The following NXPH2 variants were observed in gnomAD, a reference collection of about 807,000 sequenced individuals.
The protein encoded by NXPH2 is neurexophilin-2.
A neutral mutation model predicts 19.8 loss-of-function variants in NXPH2; 5 were observed. That is an observed-to-expected ratio of 0.25 (90% CI 0.13 to 0.53). NXPH2 has a LOEUF of 0.53. Ranked by LOEUF, NXPH2 falls within the 20% of genes least tolerant of loss-of-function variation. NXPH2 has a pLI of 0.96. For missense variants in NXPH2, 289 were observed against 322.8 expected (o/e 0.90, Z 0.80); for synonymous variants, 154 against 127.4 (o/e 1.21, Z -1.41).
intron 1 of NXPH2, among the ~76,000 whole-genome samples, chr2:138,721,108 G>A (rs6720373): frequency 2.6e-5 from 4 of 151,984 alleles, no homozygotes; most frequent in South Asian, 2.1e-4. Context: ...TTGGGAGGCC[G>A]AGGTGGGTGG....
intron 1 of NXPH2, among the ~76,000 whole-genome samples, chr2:138,703,173 C>T (rs186396336): frequency 6.6e-6 from 1 of 152,234 alleles, no homozygotes; most frequent in African/African-American, 2.4e-5. Context: ...TGAGTAAAAC[C>T]TAATGCTTCG....
At chr2:138,700,409 A>G (rs2104981518) in intron 1 of NXPH2, among the ~76,000 whole-genome samples, 1 of 152,302 alleles carries the variant, frequency 6.6e-6, no homozygotes, top group Middle Eastern at 3.4e-3. Context: ...ACAGTTTATG[A>G]TATTACTAAC....
intron 1 of NXPH2, among the ~76,000 whole-genome samples, chr2:138,720,036 T>A (rs193010092): frequency 6.6e-5 from 10 of 152,236 alleles, no homozygotes; most frequent in Admixed American, 6.5e-4. Context: ...CTTGCATTTA[T>A]TTTTCCATAT....
At chr2:138,748,415 A>T (rs1002764317) in intron 1 of NXPH2, among the ~76,000 whole-genome samples, 1 of 152,228 alleles carries the variant, frequency 6.6e-6, no homozygotes, top group Non-Finnish European at 1.5e-5. Context: ...CAACAAGGCC[A>T]CTTTCTAGGC....
intron 1 of NXPH2, among the ~76,000 whole-genome samples, chr2:138,678,400 C>A (rs1029092678): frequency 6.6e-6 from 1 of 152,040 alleles, no homozygotes; most frequent in Non-Finnish European, 1.5e-5. Flanking sequence ...TAAGGTTTTG[C>A]TTTCAGAATT....
At position 138,754,662 on chromosome 2, in the gene NXPH2, A is replaced by AT. The variant is rs567355588; in HGVS notation, c.51+25528dup. 2.9e-3 allele frequency among the ~76,000 whole-genome samples: 445 copies of AT among 152,262 alleles called. 5 individuals carry two copies. The East Asian group carries it at 0.041, about 14-fold the overall frequency. On this transcript the variant is annotated intron_variant, in intron 1 of 1. Coordinates refer to ENST00000272641, the MANE Select transcript of NXPH2 (RefSeq NM_007226.3). ...CTGCTATAAACATTTGCATGCAGAC[A>AT]TTTTTTGTGGAAATAAGTTTTCAAA...
chr2:138,776,268 TTTAGCA>T (rs1682260806), intron 1 of NXPH2, among the ~76,000 whole-genome samples: 1 of 152,108 alleles, frequency 6.6e-6, no homozygotes, highest in South Asian at 2.1e-4. Flanking sequence ...TTCTGCCTTA[TTTAGCA>T]TTACAATTAC....
Position 138,731,144 on chromosome 2 carries a change from G to T in NXPH2, c.51+49047C>A, listed in dbSNP as rs1159835442. ...ATTCAGTTTCTGCTGCCTCCATTGT[G>T]CTGCTTGCTTTTTTAGAGCAGGAAC... On this transcript the variant is annotated intron_variant, in intron 1 of 1. Coordinates refer to ENST00000272641, the MANE Select transcript of NXPH2 (RefSeq NM_007226.3). Among the ~76,000 whole-genome samples, 9 of 151,946 alleles carry T rather than the reference G, an allele frequency of 5.9e-5. 1 individual carries two copies. Among genetic ancestry groups the T allele is most frequent in the Admixed American group, 5.2e-4 (8 of 15,244 alleles).
At chr2:138,742,621 C>T (rs554259134) in intron 1 of NXPH2, among the ~76,000 whole-genome samples, 1 of 152,284 alleles carries the variant, frequency 6.6e-6, no homozygotes, top group Admixed American at 6.5e-5. Flanking sequence ...AGGACACCAG[C>T]AGGGCAAATG....
At chr2:138,674,965 G>T (rs1419983959) in intron 1 of NXPH2, among the ~76,000 whole-genome samples, 1 of 152,128 alleles carries the variant, frequency 6.6e-6, no homozygotes, top group African/African-American at 2.4e-5. Context: ...TCTATTCCCT[G>T]ATTTGGTACA....
intron 1 of NXPH2, among the ~76,000 whole-genome samples, chr2:138,710,028 T>C (rs900909678): frequency 3.3e-5 from 5 of 152,230 alleles, no homozygotes; most frequent in African/African-American, 1.2e-4. Context: ...TTTCTCAAAC[T>C]ATTCCATCAC....
intron 1 of NXPH2, among the ~76,000 whole-genome samples, chr2:138,687,921 A>T (rs1207861186): frequency 1.3e-5 from 2 of 152,182 alleles, no homozygotes; most frequent in Non-Finnish European, 2.9e-5. Context: ...TACTAGTACC[A>T]TGCTGTTCTG....
intron 1 of NXPH2, among the ~76,000 whole-genome samples, chr2:138,773,490 A>G (rs968913175): frequency 6.6e-6 from 1 of 152,198 alleles, no homozygotes; most frequent in Non-Finnish European, 1.5e-5. Context: ...ATACTAATCA[A>G]CCACTTTCAG....
intron 1 of NXPH2, among the ~76,000 whole-genome samples, chr2:138,675,011 C>T (rs1680465280): frequency 6.6e-6 from 1 of 152,188 alleles, no homozygotes; most frequent in Admixed American, 6.5e-5. Context: ...CACCTTCCTT[C>T]TCCTGTTTCA....
rs560338044 is a variant in NXPH2, at chr2:138,749,816, T to C, written c.51+30375A>G. Among the ~76,000 whole-genome samples the C allele has an allele frequency of 3.0e-4, 46 of 152,286 alleles. 3 individuals are homozygous for C. In the South Asian group the frequency reaches 9.5e-3, roughly 32 times the overall value. ...GTTCTTTGTAAGAGATAAAATTTAA[T>C]TGAGCAAATATTCTTCTACAAACTT... On this transcript the variant is annotated intron_variant, in intron 1 of 1. Transcript: ENST00000272641.
In NXPH2 at chr2:138,780,333, G is replaced by T; in HGVS notation, c.-92C>A. On this transcript the variant is annotated 5_prime_UTR_variant, in exon 1 of 2. Transcript: ENST00000272641. ...GCGGGGCAGGACTGAGGACGCCAGG[G>T]ACACAGCGCGGCGCTTCCCTCCCGG... is the stretch of plus-strand genomic sequence containing the variant. The T allele has an allele frequency of 1.0e-5, 9 of 861,694 alleles. No individual in the cohort carries two copies. Among genetic ancestry groups the T allele is most frequent in the Non-Finnish European group, 1.0e-5 (7 of 680,994 alleles). 53.4% of individuals were successfully genotyped at this position (861,694 alleles called of 1,614,324 possible).
intron 1 of NXPH2, among the ~76,000 whole-genome samples, chr2:138,722,038 T>C (rs753478696): frequency 6.6e-6 from 1 of 152,242 alleles, no homozygotes; most frequent in Non-Finnish European, 1.5e-5. Context: ...GCTGCTCCAC[T>C]TATGCTATAA....
At chr2:138,774,309 A>G (rs1253311368) in intron 1 of NXPH2, among the ~76,000 whole-genome samples, 1 of 152,152 alleles carries the variant, frequency 6.6e-6, no homozygotes, top group Non-Finnish European at 1.5e-5. Context: ...GTGCTCATCA[A>G]TTCTCTGTCT....
chr2:138,685,093 A>C (rs1344426296), intron 1 of NXPH2, among the ~76,000 whole-genome samples: 1 of 152,212 alleles, frequency 6.6e-6, no homozygotes, highest in Admixed American at 6.5e-5. Flanking sequence ...TTTTAAGTTA[A>C]AAAGGTTATT....
Sources: gnomAD v4.1 joint callset for allele counts (sites outside exome capture counted in the v4.1 genomes callset) on GRCh38, gnomAD v4.1.1 for gene constraint, MANE v1.5 for transcripts, NCBI Gene and HGNC (gene_info 2026-07-23, HGNC 2026-07-21) for gene names.